NTM: variants seen among roughly 807,000 people sequenced by gnomAD.
NTM encodes IgLON family member 2.
In NTM, 13 loss-of-function variants were observed where a neutral mutation model predicts 42.1. The ratio of observed to expected loss-of-function variants is 0.31; its 90% CI spans 0.20 to 0.49. The LOEUF (loss-of-function observed/expected upper bound fraction) is 0.49, where lower values mean the gene tolerates loss of function less well. Ranked by LOEUF, NTM falls within the 20% of genes least tolerant of loss-of-function variation. The pLI, the probability that NTM is intolerant of heterozygous loss-of-function variation, is 0.99. For missense variants in NTM, 373 were observed against 452.8 expected (o/e 0.82, Z 1.60); for synonymous variants, 187 against 179.2 (o/e 1.04, Z -0.35).
chr11:131,995,828 C>T (rs757227374), intron 2 of NTM, among the ~76,000 whole-genome samples: 81 of 152,044 alleles, frequency 5.3e-4, no homozygotes, highest in Admixed American at 2.2e-3. Context: ...GGGGTTTCTA[C>T]AGTGGAAAAT....
intron 7 of NTM, among the ~76,000 whole-genome samples, chr11:132,325,731 G>C (rs2136350367): frequency 6.6e-6 from 1 of 152,228 alleles, no homozygotes; most frequent in South Asian, 2.1e-4. Flanking sequence ...TGTTTATTGT[G>C]GCACTATTCA....
intron 1 of NTM, among the ~76,000 whole-genome samples, chr11:131,885,846 C>T (rs985215655): frequency 2.6e-5 from 4 of 152,196 alleles, no homozygotes; most frequent in Non-Finnish European, 5.9e-5. Context: ...AGGAAGGCTG[C>T]ACATGGTGGC....
intron 1 of NTM, among the ~76,000 whole-genome samples, chr11:131,402,402 A>G (rs964040876): frequency 1.3e-5 from 2 of 152,134 alleles, no homozygotes; most frequent in African/African-American, 4.8e-5. Flanking sequence ...GTCATAAAAA[A>G]AAAAAAACAA....
chr11:131,449,342 G>C (rs927444237), intron 1 of NTM, among the ~76,000 whole-genome samples: 2 of 152,166 alleles, frequency 1.3e-5, no homozygotes, highest in South Asian at 2.1e-4. Context: ...GCATGGAGGT[G>C]GGGGCTTACA....
intron 3 of NTM, among the ~76,000 whole-genome samples, chr11:132,171,035 G>A (rs942177249): frequency 6.6e-6 from 1 of 152,044 alleles, no homozygotes; most frequent in African/African-American, 2.4e-5. Context: ...ATACATTTTG[G>A]GGTGCAAGAA....
chr11:132,272,448 A>C (rs2093526946), intron 4 of NTM, among the ~76,000 whole-genome samples: 2 of 152,158 alleles, frequency 1.3e-5, no homozygotes, highest in African/African-American at 2.4e-5. Context: ...ATTATATTAA[A>C]TCTGTAAAAT....
chr11:131,909,167 G>A (rs188451435), intron 1 of NTM, among the ~76,000 whole-genome samples: 1 of 152,326 alleles, frequency 6.6e-6, no homozygotes, highest in East Asian at 1.9e-4. Context: ...CTATGACAAT[G>A]GAAAGGCAAG....
intron 2 of NTM, among the ~76,000 whole-genome samples, chr11:132,012,363 G>A (rs1476427122): frequency 1.3e-5 from 2 of 152,120 alleles, no homozygotes; most frequent in Non-Finnish European, 2.9e-5. Flanking sequence ...CATTCCCACT[G>A]TAATTAATCA....
At chr11:131,612,005 G>T (rs2061501143) in intron 1 of NTM, among the ~76,000 whole-genome samples, 1 of 152,160 alleles carries the variant, frequency 6.6e-6, no homozygotes, top group Admixed American at 6.5e-5. Flanking sequence ...ATAGAAAATG[G>T]CAGAGGTGAT....
intron 1 of NTM, among the ~76,000 whole-genome samples, chr11:131,825,698 T>A (rs973044739): frequency 1.3e-5 from 2 of 152,060 alleles, no homozygotes; most frequent in African/African-American, 4.8e-5. Flanking sequence ...ATTGATAGAT[T>A]GGGAAGATGT....
intron 2 of NTM, among the ~76,000 whole-genome samples, chr11:131,989,940 G>A (rs2066731347): frequency 6.6e-6 from 1 of 152,088 alleles, no homozygotes; most frequent in Non-Finnish European, 1.5e-5. Context: ...CAAAACTGAT[G>A]TCAGTGGGGA....
At chr11:132,261,267 C>T (rs745359274) in intron 4 of NTM, among the ~76,000 whole-genome samples, 1 of 152,310 alleles carries the variant, frequency 6.6e-6, no homozygotes, top group Non-Finnish European at 1.5e-5. Context: ...CATGTCACCT[C>T]ATTTCTCTGA....
At chr11:131,645,113 A>C (rs2065612968) in intron 1 of NTM, among the ~76,000 whole-genome samples, 1 of 152,194 alleles carries the variant, frequency 6.6e-6, no homozygotes, top group Non-Finnish European at 1.5e-5. Context: ...TATTTATAGT[A>C]AGTATACCTC....
At chr11:132,103,213 C>T (rs752912355) in intron 2 of NTM, among the ~76,000 whole-genome samples, 1 of 152,218 alleles carries the variant, frequency 6.6e-6, no homozygotes, top group Admixed American at 6.5e-5. Flanking sequence ...ACAGATTGGA[C>T]AGACTGATAC....
At position 132,310,163 on chromosome 11, in the gene NTM, A is replaced by G. The variant is rs2140212390; in HGVS notation, c.713A>G (p.Lys238Arg). The stretch of plus-strand genomic sequence containing the variant: ...GGTACAGGTGTCCCCGTGGGACAAA[A>G]GGGGACACTGCAGTGTGAAGCCTCA... Reference protein sequence around the residue: ...AKGTGVPVGQKGTLQCEASAV... With the variant: ...AKGTGVPVGQRGTLQCEASAV... The change falls in exon 6 of 9, where the codon AAG becomes AGG. Residue 238 changes from lysine to arginine, a missense_variant. By Grantham distance (26) the Lys-to-Arg change is conservative (BLOSUM62 2). Coordinates refer to ENST00000683400, the MANE Select transcript of NTM (RefSeq NM_001352005.2). 1 of 1,610,720 alleles carries G rather than the reference A, an allele frequency of 6.2e-7. No individual in the cohort carries two copies. Among genetic ancestry groups the G allele is most frequent in the African/African-American group, 1.3e-5 (1 of 74,734 alleles).
chr11:131,404,749 G>A (rs1945628055), intron 1 of NTM, among the ~76,000 whole-genome samples: 1 of 152,182 alleles, frequency 6.6e-6, no homozygotes, highest in Non-Finnish European at 1.5e-5. Flanking sequence ...GCCATTGCCT[G>A]AACAAGCACC....
At chr11:131,550,042 GATGAGAATCGC>G (rs2136900723) in intron 1 of NTM, among the ~76,000 whole-genome samples, 1 of 152,298 alleles carries the variant, frequency 6.6e-6, no homozygotes, top group Non-Finnish European at 1.5e-5. Flanking sequence ...GAGGCTCTGG[GATGAGAATCGC>G]ATGAGAATCA....
At chr11:131,730,721 AAAG>A (rs1555103924) in intron 1 of NTM, among the ~76,000 whole-genome samples, 8 of 134,268 alleles carry the variant, frequency 6.0e-5, no homozygotes, top group East Asian at 4.5e-4. Flanking sequence ...CTATCTGTTA[AAAG>A]AAGAAGAAGA....
At chr11:132,322,000 G>C (rs574489574) in intron 7 of NTM, among the ~76,000 whole-genome samples, 1 of 150,886 alleles carries the variant, frequency 6.6e-6, no homozygotes, top group East Asian at 1.9e-4. Context: ...TCACCACCAG[G>C]CCTGCCCTAA....
Sources: allele counts gnomAD v4.1 joint callset (sites outside exome capture counted in the v4.1 genomes callset), GRCh38; gene constraint gnomAD v4.1.1; transcripts MANE v1.5; gene names NCBI Gene and HGNC (gene_info 2026-07-23, HGNC 2026-07-21).